RGPD2: variants seen among roughly 807,000 people sequenced by gnomAD.
RGPD2 encodes RANBP2-like and GRIP domain-containing protein 2.
RGPD2 carries 2 observed loss-of-function variants against 36.0 expected under a neutral mutation model. That is an observed-to-expected ratio of 0.06 (90% CI 0.02 to 0.17). RGPD2 has a LOEUF of 0.17. Ranked by LOEUF, RGPD2 falls within the 10% of genes least tolerant of loss-of-function variation. The pLI is 1.00. For synonymous variants in RGPD2, 19 were observed against 163.8 expected, an observed-to-expected ratio of 0.12 and a Z score of 6.75; for missense variants, 40 against 464.3, an observed-to-expected ratio of 0.09 and a Z score of 8.40.
chr2:87,988,068 C>T, the RGPD2 span, among the ~76,000 whole-genome samples: 2 of 152,174 alleles, frequency 1.3e-5, no homozygotes, highest in African/African-American at 2.4e-5. Flanking sequence ...ATGAAAAAGT[C>T]ATTCTTGTCT....
the RGPD2 span, among the ~76,000 whole-genome samples, chr2:87,877,804 C>CAA: frequency 0.011 from 943 of 84,480 alleles, 10 homozygotes; most frequent in Non-Finnish European, 0.013. Context: ...GACTCCGTCT[C>CAA]AAAAAAAAAA....
chr2:87,840,556 G>T, the RGPD2 span, among the ~76,000 whole-genome samples: 1 of 151,918 alleles, frequency 6.6e-6, no homozygotes, highest in Non-Finnish European at 1.5e-5. Flanking sequence ...AATTTAAAAA[G>T]AAGTTGAAAT....
At chr2:87,988,508 C>CAT in the RGPD2 span, among the ~76,000 whole-genome samples, 3 of 47,400 alleles carry the variant, frequency 6.3e-5, 1 homozygote, top group Non-Finnish European at 1.7e-4. Flanking sequence ...GAGGCATGTC[C>CAT]ATATATATAC....
At chr2:87,888,124 G>T in the RGPD2 span, among the ~76,000 whole-genome samples, 1 of 151,788 alleles carries the variant, frequency 6.6e-6, no homozygotes, top group African/African-American at 2.4e-5. Flanking sequence ...GGTATAAAAT[G>T]ACAGGAGGCA....
intron 6 of RGPD2, among the ~76,000 whole-genome samples, chr2:87,807,454 T>G (rs1208786011): frequency 6.8e-6 from 1 of 146,386 alleles, no homozygotes; most frequent in Non-Finnish European, 1.5e-5. Flanking sequence ...TGGCACGATC[T>G]AAGCTCACTG....
the RGPD2 span, among the ~76,000 whole-genome samples, chr2:87,986,783 G>A: frequency 1.3e-4 from 19 of 151,516 alleles, no homozygotes; most frequent in South Asian, 2.1e-4. Flanking sequence ...AGGAGGCTGA[G>A]GCAGGAGAAT....
At chr2:87,922,161 C>T in the RGPD2 span, among the ~76,000 whole-genome samples, 22 of 151,262 alleles carry the variant, frequency 1.5e-4, no homozygotes, top group Admixed American at 3.9e-4. Context: ...GGCGTGGTGG[C>T]GTGCACCTGT....
the RGPD2 span, among the ~76,000 whole-genome samples, chr2:87,831,497 G>A: frequency 6.6e-6 from 1 of 151,720 alleles, no homozygotes; most frequent in East Asian, 1.9e-4. Context: ...CCATGTATAT[G>A]CTTAGTCAAA....
chr2:87,989,540 G>T, the RGPD2 span, among the ~76,000 whole-genome samples: 1 of 151,990 alleles, frequency 6.6e-6, no homozygotes, highest in African/African-American at 2.4e-5. Context: ...CAGAATTACT[G>T]TATAGTAAAA....
At chr2:87,805,870 AAAG>A (rs1443009866) in intron 7 of RGPD2, among the ~76,000 whole-genome samples, 1 of 146,520 alleles carries the variant, frequency 6.8e-6, no homozygotes, top group Non-Finnish European at 1.5e-5. Flanking sequence ...AAAAAAAAAA[AAAG>A]GCCAGGCACG....
chr2:87,842,673 C>A, the RGPD2 span, among the ~76,000 whole-genome samples: 20 of 151,192 alleles, frequency 1.3e-4, no homozygotes, highest in South Asian at 3.8e-3. Context: ...CCCCATCAAG[C>A]TACCAATGAC....
At position 87,807,273 on chromosome 2, in the gene RGPD2, CAAATT is replaced by C. The variant is rs1685986465; in HGVS notation, c.780-387_780-383del. Reference sequence around the variant, plus strand: ...TATTTAATTAACAGTTGTAATTTCTCAAATTAGACATACCATTTCCAAATTATAAG... The same window carrying C: ...TATTTAATTAACAGTTGTAATTTCTCAGACATACCATTTCCAAATTATAAG... On this transcript the variant is annotated intron_variant, in intron 6 of 22. Coordinates refer to ENST00000398146, the MANE Select transcript of RGPD2 (RefSeq NM_001078170.3). 1.4e-5 allele frequency among the ~76,000 whole-genome samples: 2 copies of C among 142,978 alleles called. 1 individual carries two copies. The highest frequency in any genetic ancestry group is 5.9e-5 in the African/African-American group (2 of 34,110). 93.8% of individuals were successfully genotyped at this position (142,978 alleles called of 152,430 possible).
At chr2:87,862,461 T>TAA in the RGPD2 span, among the ~76,000 whole-genome samples, 1 of 143,672 alleles carries the variant, frequency 7.0e-6, no homozygotes, top group African/African-American at 2.6e-5. Context: ...AGTGCTCTTA[T>TAA]AAAAAAGTTT....
At chr2:87,810,096 GGTT>G (rs1428911811) in intron 6 of RGPD2, among the ~76,000 whole-genome samples, 12 of 17,768 alleles carry the variant, frequency 6.8e-4, no homozygotes, top group Non-Finnish European at 1.2e-3. Context: ...AGGAGGCAGA[GGTT>G]GCAGTGAGCC....
the RGPD2 span, among the ~76,000 whole-genome samples, chr2:87,984,869 G>A: frequency 6.7e-6 from 1 of 150,060 alleles, no homozygotes; most frequent in Non-Finnish European, 1.5e-5. Context: ...GGCAGAGCCT[G>A]TAGTGAGCTG....
At chr2:87,825,591 CGCCCG>C in intron 1 of RGPD2, 62 bp downstream of exon 1, 1 of 1,306,846 alleles carries the variant, frequency 7.7e-7, no homozygotes, top group East Asian at 4.5e-5. Flanking sequence ...TCGAGGCCGC[CGCCCG>C]GCCAGGTCGA....
the RGPD2 span, among the ~76,000 whole-genome samples, chr2:87,875,643 T>C: frequency 6.6e-6 from 1 of 152,234 alleles, no homozygotes; most frequent in Non-Finnish European, 1.5e-5. Context: ...TATATCAAGG[T>C]TCATCAAATA....
the RGPD2 span, among the ~76,000 whole-genome samples, chr2:87,853,537 T>G: frequency 6.6e-6 from 1 of 151,392 alleles, no homozygotes; most frequent in South Asian, 2.1e-4. Flanking sequence ...AACTCTATTT[T>G]CAAGAGATAT....
the RGPD2 span, among the ~76,000 whole-genome samples, chr2:87,929,068 T>C: frequency 3.7e-4 from 57 of 152,026 alleles, no homozygotes; most frequent in Non-Finnish European, 4.4e-4. Flanking sequence ...ATTCCATTTG[T>C]CAATTTTTGC....
Sources: gnomAD v4.1 joint callset for allele counts (sites outside exome capture counted in the v4.1 genomes callset) on GRCh38, gnomAD v4.1.1 for gene constraint, MANE v1.5 for transcripts, NCBI Gene and HGNC (gene_info 2026-07-23, HGNC 2026-07-21) for gene names.